ERC1: variants seen among roughly 807,000 people sequenced by gnomAD.
ERC1 encodes the protein ELKS/RAB6-interacting/CAST family member 1.
In ERC1, 56 loss-of-function variants were observed where a neutral mutation model predicts 132.0. That is an observed-to-expected ratio of 0.42 (90% CI 0.34 to 0.53). The LOEUF (loss-of-function observed/expected upper bound fraction) is 0.53, where lower values mean the gene tolerates loss of function less well. Among genes scored for constraint, ERC1 ranks in the 20% least tolerant of loss-of-function variants. The pLI, the probability that ERC1 is intolerant of heterozygous loss-of-function variation, is 0.03. For missense variants in ERC1, 1,202 were observed against 1,349.9 expected (o/e 0.89, Z 1.72); for synonymous variants, 478 against 476.1 (o/e 1.00, Z -0.05).
At chr12:1,486,688 G>C (rs2094223260) in intron 18 of ERC1, among the ~76,000 whole-genome samples, 1 of 152,162 alleles carries the variant, frequency 6.6e-6, no homozygotes, top group Non-Finnish European at 1.5e-5. Flanking sequence ...GCCTCCCAAA[G>C]TGCTGGGTTT....
intron 1 of ERC1, among the ~76,000 whole-genome samples, chr12:998,802 C>CAG (rs1961500981): frequency 1.3e-5 from 2 of 151,094 alleles, no homozygotes; most frequent in African/African-American, 4.9e-5. Context: ...TTGAGGTCTT[C>CAG]AGAGCACTTT....
At chr12:1,487,251 T>C (rs1201561128) in intron 18 of ERC1, among the ~76,000 whole-genome samples, 2 of 152,146 alleles carry the variant, frequency 1.3e-5, no homozygotes. Flanking sequence ...AGAAGGAAGA[T>C]TGCTAGGTCT....
intron 15 of ERC1, among the ~76,000 whole-genome samples, chr12:1,357,515 A>G (rs552132843): frequency 3.9e-4 from 60 of 152,336 alleles, no homozygotes; most frequent in African/African-American, 1.4e-3. Context: ...CTGAGAGACA[A>G]TGTAAGAAGA....
At chr12:1,301,796 T>A (rs1271741317) in intron 15 of ERC1, among the ~76,000 whole-genome samples, 2 of 151,650 alleles carry the variant, frequency 1.3e-5, no homozygotes, top group African/African-American at 4.9e-5. Flanking sequence ...TAACAAACCT[T>A]CACATGTGCC....
intron 8 of ERC1, among the ~76,000 whole-genome samples, chr12:1,148,669 T>C (rs545872535): frequency 2.7e-4 from 41 of 152,316 alleles, no homozygotes; most frequent in African/African-American, 8.7e-4. Flanking sequence ...TGGCGTGATA[T>C]TGGCTCCCTG....
rs556989726 is a variant in ERC1, at chr12:1,336,183, A to AT, written c.2781-35641dup. ...GCCTATTTAGCAGTTTATTTTATTAATTTTTTTTTAAAAAATAAACTCCTG... is the reference window on the plus strand; with the variant it reads ...GCCTATTTAGCAGTTTATTTTATTAATTTTTTTTTTAAAAAATAAACTCCTG... On this transcript the variant is annotated intron_variant, in intron 15 of 18. Coordinates refer to ENST00000360905, the MANE Select transcript of ERC1 (RefSeq NM_178040.4). Among the ~76,000 whole-genome samples, 18 of 150,908 alleles carry AT rather than the reference A, an allele frequency of 1.2e-4. No individual in the cohort carries two copies. In the South Asian group the frequency reaches 1.5e-3, roughly 12 times the overall value.
chr12:1,138,088 ATATAATC>A (rs1396785428), intron 7 of ERC1, among the ~76,000 whole-genome samples: 1 of 127,680 alleles, frequency 7.8e-6, no homozygotes, highest in Non-Finnish European at 1.5e-5. Flanking sequence ...TATATATAAT[ATATAATC>A]CATATTATAA....
chr12:1,249,727 C>T (rs989058542), intron 13 of ERC1, among the ~76,000 whole-genome samples: 2 of 152,162 alleles, frequency 1.3e-5, no homozygotes, highest in South Asian at 4.1e-4. Flanking sequence ...TGTAAACTGG[C>T]TAGCTTATAA....
intron 12 of ERC1, among the ~76,000 whole-genome samples, chr12:1,200,922 C>G (rs1956856236): frequency 6.6e-6 from 1 of 152,154 alleles, no homozygotes; most frequent in South Asian, 2.1e-4. Flanking sequence ...AAGAGAGATT[C>G]AGTAGTCTCC....
intron 16 of ERC1, among the ~76,000 whole-genome samples, chr12:1,373,649 G>T (rs1468792618): frequency 6.6e-6 from 1 of 152,142 alleles, no homozygotes; most frequent in Admixed American, 6.5e-5. Context: ...ATGTGGTGGT[G>T]CACCTCTGTA....
intron 16 of ERC1, among the ~76,000 whole-genome samples, chr12:1,392,227 A>G (rs539864492): frequency 6.6e-6 from 1 of 152,308 alleles, no homozygotes; most frequent in East Asian, 1.9e-4. Context: ...TGCCAGACCT[A>G]CTCAACAGGA....
intron 14 of ERC1, among the ~76,000 whole-genome samples, chr12:1,281,577 C>T (rs1430545113): frequency 5.9e-5 from 9 of 152,124 alleles, no homozygotes; most frequent in Non-Finnish European, 1.2e-4. Context: ...TTTCTGTCCT[C>T]CCTTCTTCCA....
At chr12:1,228,879 T>C (rs1196065330) in intron 12 of ERC1, among the ~76,000 whole-genome samples, 1 of 152,258 alleles carries the variant, frequency 6.6e-6, no homozygotes, top group African/African-American at 2.4e-5. Context: ...TTATAGTGAA[T>C]GGTCCTTTTA....
chr12:1,377,286 G>C (rs2088049338), intron 16 of ERC1, among the ~76,000 whole-genome samples: 1 of 152,198 alleles, frequency 6.6e-6, no homozygotes. Flanking sequence ...CTTTGCTCTT[G>C]TTGTTTCATC....
In ERC1 at chr12:1,231,340, G is replaced by A. The variant is rs949151444; in HGVS notation, c.2352-5429G>A. Among the ~76,000 whole-genome samples, 4 of 152,030 alleles carry A rather than the reference G, an allele frequency of 2.6e-5. No individual in the cohort carries two copies. In the East Asian group the frequency reaches 5.8e-4, roughly 22 times the overall value. ...CTCCTTCACAGTTTATGCTATTGAT[G>A]TCACACTTTACATCTTTTTATATTT... On this transcript the variant is annotated intron_variant, in intron 12 of 18. Coordinates refer to ENST00000360905, the MANE Select transcript of ERC1 (RefSeq NM_178040.4).
chr12:1,292,782 G>A (rs903144207), intron 15 of ERC1, among the ~76,000 whole-genome samples: 9 of 151,714 alleles, frequency 5.9e-5, no homozygotes, highest in South Asian at 4.2e-4. Context: ...AGGCCGAGGC[G>A]GGTGGATCAC....
chr12:1,481,227 G>A (rs989483618), intron 18 of ERC1, among the ~76,000 whole-genome samples: 3 of 152,254 alleles, frequency 2.0e-5, no homozygotes, highest in East Asian at 3.9e-4. Flanking sequence ...ACAAGGGGGC[G>A]CCGCCGTATT....
Position 1,410,803 on chromosome 12 carries a change from T to G in ERC1, c.3024+2556T>G, listed in dbSNP as rs139185343. ...TTTTACAGTGTCCTGGCAAGGTTTA[T>G]AGTAATTTTATATGAAATTGGCAAT... On this transcript the variant is annotated intron_variant, in intron 17 of 18. Transcript: ENST00000360905. Among the ~76,000 whole-genome samples, 842 of 152,242 alleles carry G rather than the reference T, an allele frequency of 5.5e-3. 8 individuals are homozygous for G. Among genetic ancestry groups the G allele is most frequent in the African/African-American group, 0.019 (796 of 41,532 alleles).
At chr12:1,049,347 A>T (rs1458281209) in intron 2 of ERC1, among the ~76,000 whole-genome samples, 2 of 152,190 alleles carry the variant, frequency 1.3e-5, no homozygotes, top group African/African-American at 4.8e-5. Flanking sequence ...CTCTAGCTGA[A>T]CCCAGATCAG....
Sources: gnomAD v4.1 joint callset for allele counts (sites outside exome capture counted in the v4.1 genomes callset) on GRCh38, gnomAD v4.1.1 for gene constraint, MANE v1.5 for transcripts, NCBI Gene and HGNC (gene_info 2026-07-23, HGNC 2026-07-21) for gene names.